BRAP: variants seen among roughly 807,000 people sequenced by gnomAD.
BRAP encodes BRCA1 associated protein, also known as BRCA1-associated protein.
In BRAP, 42 loss-of-function variants were observed where a neutral mutation model predicts 73.4. The ratio of observed to expected loss-of-function variants is 0.57; its 90% confidence interval spans 0.45 to 0.74. BRAP has a LOEUF of 0.74. Ranked by LOEUF, BRAP falls within the 30% of genes least tolerant of loss-of-function variation. The probability of loss-of-function intolerance (pLI) is 0.00; values close to 1 mark genes in which losing one functional copy is unlikely to be tolerated. For missense variants in BRAP, 593 were observed against 751.4 expected (o/e 0.79, Z 2.46); for synonymous variants, 255 against 267.4 (o/e 0.95, Z 0.45).
At chr12:111,684,912 G>T (rs985292854) in intron 1 of BRAP, among the ~76,000 whole-genome samples, 1 of 152,136 alleles carries the variant, frequency 6.6e-6, no homozygotes, top group African/African-American at 2.4e-5. Flanking sequence ...CAGGTGACCC[G>T]CCCGCCTCGG....
chr12:111,667,704 A>AAAAAAAAAAAAAAC (rs1887003225), intron 5 of BRAP, among the ~76,000 whole-genome samples: 1 of 141,408 alleles, frequency 7.1e-6, no homozygotes, highest in African/African-American at 2.9e-5. Flanking sequence ...GTCTCAAAAA[A>AAAAAAAAAAAAAAC]AAAAAAAAAA....
At chr12:111,655,725 T>C (rs762844398) in intron 9 of BRAP, 70 bp from the exon 10 acceptor site, 56 of 1,283,890 alleles carry the variant, frequency 4.4e-5, no homozygotes, top group Non-Finnish European at 6.0e-5. Flanking sequence ...AATTTAAAAA[T>C]CTGATATTTA....
At chr12:111,648,912 C>T (rs529718999) in intron 11 of BRAP, among the ~76,000 whole-genome samples, 66 of 151,804 alleles carry the variant, frequency 4.3e-4, no homozygotes, top group Middle Eastern at 3.4e-3. Context: ...GGCAACAGAG[C>T]GAGACTCCGT....
intron 1 of BRAP, chr12:111,685,473 A>C: frequency 3.2e-6 from 3 of 925,576 alleles, no homozygotes; most frequent in South Asian, 2.7e-5. Context: ...CGCGCCAGGT[A>C]TAAACTAAAT....
chr12:111,682,661 C>T (rs973159714), intron 2 of BRAP, among the ~76,000 whole-genome samples: 1 of 152,068 alleles, frequency 6.6e-6, no homozygotes, highest in Admixed American at 6.6e-5. Flanking sequence ...CCTGTAATTC[C>T]AGCACTTTGG....
chr12:111,677,261 C>CTATT (rs994923513), intron 4 of BRAP, among the ~76,000 whole-genome samples: 43 of 152,222 alleles, frequency 2.8e-4, no homozygotes, highest in African/African-American at 1.0e-3. Flanking sequence ...TTTTCCCAAT[C>CTATT]TATTTCTGGG....
chr12:111,667,594 G>C (rs1417967047), intron 5 of BRAP, among the ~76,000 whole-genome samples: 3 of 149,566 alleles, frequency 2.0e-5, no homozygotes, highest in Non-Finnish European at 4.4e-5. Flanking sequence ...CAGTTACTTG[G>C]GAGGATGAGG....
intron 4 of BRAP, among the ~76,000 whole-genome samples, chr12:111,677,552 T>G (rs1333871541): frequency 6.6e-6 from 1 of 152,308 alleles, no homozygotes; most frequent in Admixed American, 6.5e-5. Flanking sequence ...CGCAAGGGAT[T>G]GTAGTGAGGA....
At chr12:111,652,075 T>C (rs1886348535) in intron 10 of BRAP, among the ~76,000 whole-genome samples, 1 of 152,218 alleles carries the variant, frequency 6.6e-6, no homozygotes, top group Non-Finnish European at 1.5e-5. Context: ...GAAATTTTCT[T>C]CTAAACTGAC....
intron 10 of BRAP, among the ~76,000 whole-genome samples, chr12:111,653,724 G>A (rs2135900056): frequency 6.6e-6 from 1 of 152,256 alleles, no homozygotes; most frequent in South Asian, 2.1e-4. Flanking sequence ...GTTTCTCCCT[G>A]AACATGTTCT....
chr12:111,662,976 A>G (rs1390955205), intron 6 of BRAP, among the ~76,000 whole-genome samples: 2 of 151,692 alleles, frequency 1.3e-5, no homozygotes, highest in African/African-American at 2.4e-5. Flanking sequence ...AACTAAAAAC[A>G]ACAGAATTAG....
chr12:111,669,163 A>G (rs1472157419), intron 5 of BRAP, among the ~76,000 whole-genome samples: 1 of 152,140 alleles, frequency 6.6e-6, no homozygotes, highest in Non-Finnish European at 1.5e-5. Context: ...AGACAAGTTT[A>G]GGTAATAAGG....
chr12:111,661,279 GTT>G (rs144136043), intron 6 of BRAP, among the ~76,000 whole-genome samples: 18 of 118,958 alleles, frequency 1.5e-4, no homozygotes, highest in Middle Eastern at 5.8e-3. Flanking sequence ...CTCCCAGCTT[GTT>G]TTTTTTTTTT....
intron 6 of BRAP, among the ~76,000 whole-genome samples, chr12:111,664,999 G>A (rs891657488): frequency 3.3e-5 from 5 of 152,106 alleles, no homozygotes; most frequent in Non-Finnish European, 7.4e-5. Context: ...TCTGTACTGG[G>A]AAATCCAGAA....
rs201743726 is a variant in BRAP, at chr12:111,650,091, G to A, written c.1312-49C>T. ...ATTCATTTCACAAAGGTAATGTGGTGTGCTCTTTGGGACCAACATCATATT... is the reference window on the plus strand; with the variant it reads ...ATTCATTTCACAAAGGTAATGTGGTATGCTCTTTGGGACCAACATCATATT... On this transcript the variant is annotated intron_variant, in intron 10 of 11. Transcript: ENST00000419234. 4.0e-5 allele frequency: 53 copies of A among 1,336,362 alleles called. No individual in the cohort carries two copies. The East Asian group carries it at 1.2e-3, about 30-fold the overall frequency. The allele number at this position is 1,336,362 out of a possible 1,614,324, so 82.8% of individuals were successfully genotyped here.
intron 6 of BRAP, among the ~76,000 whole-genome samples, chr12:111,662,959 A>C (rs1009128908): frequency 2.6e-5 from 4 of 151,372 alleles, no homozygotes; most frequent in African/African-American, 9.7e-5. Flanking sequence ...AAAAAAAAAA[A>C]ACAAAAAACT....
chr12:111,672,855 T>C, intron 4 of BRAP, 81 bp from the exon 5 acceptor site: 1 of 1,089,066 alleles, frequency 9.2e-7, no homozygotes, highest in South Asian at 1.4e-5. Flanking sequence ...TGCATGGCTT[T>C]ATTCATTCTC....
intron 5 of BRAP, among the ~76,000 whole-genome samples, chr12:111,668,292 G>C (rs112326163): frequency 4.6e-5 from 7 of 152,126 alleles, no homozygotes; most frequent in South Asian, 2.1e-4. Context: ...CTCAGACAAA[G>C]TTACAGAAAG....
At chr12:111,646,884 T>G (rs1204538360) in intron 11 of BRAP, among the ~76,000 whole-genome samples, 1 of 152,198 alleles carries the variant, frequency 6.6e-6, no homozygotes, top group African/African-American at 2.4e-5. Context: ...AAAAGAGACA[T>G]GGAGGAAGAT....
Sources: allele counts gnomAD v4.1 joint callset (sites outside exome capture counted in the v4.1 genomes callset), GRCh38; gene constraint gnomAD v4.1.1; transcripts MANE v1.5; gene names NCBI Gene and HGNC (gene_info 2026-07-23, HGNC 2026-07-21).